The following PCYT1A variants were observed in gnomAD, a reference collection of about 807,000 sequenced individuals.
PCYT1A encodes the protein choline-phosphate cytidylyltransferase A.
In PCYT1A, 25 loss-of-function variants were observed where a neutral mutation model predicts 43.7. That is an observed-to-expected ratio of 0.57 (90% confidence interval 0.42 to 0.80). The LOEUF is 0.80. PCYT1A is among the 30% of genes least tolerant of loss of function. PCYT1A has a pLI of 0.00. For missense variants in PCYT1A, 421 were observed against 474.2 expected, an observed-to-expected ratio of 0.89 and a Z score of 1.04; for synonymous variants, 172 against 170.7, an observed-to-expected ratio of 1.01 and a Z score of -0.06.
intron 3 of PCYT1A, among the ~76,000 whole-genome samples, chr3:196,249,536 C>T (rs1334357070): frequency 1.4e-4 from 21 of 152,208 alleles, no homozygotes; most frequent in Admixed American, 9.8e-4. Flanking sequence ...GAACTGTCAA[C>T]TTAGAAGCCA....
At chr3:196,257,949 A>T (rs1724997259) in intron 2 of PCYT1A, 62 bp from the exon 3 acceptor site, 3 of 751,900 alleles carry the variant, frequency 4.0e-6, no homozygotes, top group South Asian at 1.8e-5. Context: ...TGTAATACTA[A>T]AAAAAAAAAA....
intron 1 of PCYT1A, among the ~76,000 whole-genome samples, chr3:196,271,067 C>A (rs1725417157): frequency 6.6e-6 from 1 of 152,162 alleles, no homozygotes; most frequent in South Asian, 2.1e-4. Context: ...CTCTGTTGCC[C>A]AGGCTGGGGT....
chr3:196,247,747 A>G lies in PCYT1A; in HGVS notation c.335-229T>C, dbSNP rs893207865. The G allele has an allele frequency of 2.0e-4, 135 of 668,862 alleles. No individual in the cohort carries two copies. In the Admixed American group the frequency reaches 2.7e-3, roughly 14 times the overall value. The allele number at this position is 668,862 out of a possible 1,614,324, so 41.4% of individuals were successfully genotyped here. On this transcript the variant is annotated intron_variant, in intron 4 of 8. Coordinates refer to ENST00000431016, the MANE Select transcript of PCYT1A (RefSeq NM_001312673.2). The surrounding 1 kb of genome is among the most constrained non-coding windows in gnomAD (Gnocchi z 4.8). ...AGTATGTTCATACTTTGGAGAAGGGACAGTACAACAGGTGACCAAGATCTT... is the reference window on the plus strand; with the variant it reads ...AGTATGTTCATACTTTGGAGAAGGGGCAGTACAACAGGTGACCAAGATCTT...
Position 196,282,161 on chromosome 3 carries a change from A to G in PCYT1A, c.-11+5454T>C, listed in dbSNP as rs1217499900. Among the ~76,000 whole-genome samples, 8 of 152,320 alleles carry G rather than the reference A, an allele frequency of 5.3e-5. No individual in the cohort carries two copies. Among genetic ancestry groups the G allele is most frequent in the Admixed American group, 6.5e-5 (1 of 15,288 alleles). Reference sequence around the variant, plus strand: ...ATTTCGTCAGAGAAACCCTTATTCAACAAACACTGAGCGGCACTTACTCTG... The same window carrying G: ...ATTTCGTCAGAGAAACCCTTATTCAGCAAACACTGAGCGGCACTTACTCTG... On this transcript the variant is annotated intron_variant, in intron 1 of 8. Transcript: ENST00000431016. This position sits in a 1 kb window ranked among gnomAD's most constrained non-coding sequence, Gnocchi z 4.3.
At chr3:196,276,987 T>C (rs965672776) in intron 1 of PCYT1A, among the ~76,000 whole-genome samples, 1 of 151,394 alleles carries the variant, frequency 6.6e-6, no homozygotes, top group African/African-American at 2.4e-5. Context: ...CCTGGCACTT[T>C]GAGAGGCCAA....
Position 196,238,764 on chromosome 3 carries a change from G to T in PCYT1A, c.1028C>A (p.Ser343Tyr). ...SFRWPFSGKT[S>Y]PPCSPANLSR... ...GAGATTTGCTGGGGAGCAAGGTGGG[G>T]AAGTCTTGCCGGAGAAGGGCCATCG... Residue 343 changes from serine to tyrosine, a missense_variant, in exon 9 of 9, where the codon TCC becomes TAC. Transcript: ENST00000431016. The T allele has an allele frequency of 6.3e-7, 1 of 1,591,636 alleles. No individual in the cohort carries two copies. The highest frequency in any genetic ancestry group is 1.1e-5 in the South Asian group (1 of 87,816).
chr3:196,253,373 T>C (rs1724861326), intron 3 of PCYT1A, among the ~76,000 whole-genome samples: 1 of 146,704 alleles, frequency 6.8e-6, no homozygotes, highest in Non-Finnish European at 1.5e-5. Context: ...AGAAGTCACG[T>C]CCATGAAGTA....
chr3:196,279,746 AGGT>A (rs1372920635), intron 1 of PCYT1A, among the ~76,000 whole-genome samples: 1 of 150,068 alleles, frequency 6.7e-6, no homozygotes, highest in East Asian at 2.0e-4. Context: ...GACAGAATCT[AGGT>A]GCTGGCATGT....
chr3:196,257,335 T>C (rs1724980694), intron 3 of PCYT1A, among the ~76,000 whole-genome samples: 1 of 152,172 alleles, frequency 6.6e-6, no homozygotes, highest in South Asian at 2.1e-4. Flanking sequence ...AAAAATAAAA[T>C]TAAGTGACGA....
rs1725487401 is a variant in PCYT1A at position 196,273,132 on chromosome 3, CT to C, written c.-10-2592del. Reference sequence around the variant, plus strand: ...AGAGGCTGCAGCTGAACCAGGCGTACTACAAGCAGCTTCCACTGCAGGCACT... The same window carrying C: ...AGAGGCTGCAGCTGAACCAGGCGTACACAAGCAGCTTCCACTGCAGGCACT... On this transcript the variant is annotated intron_variant, in intron 1 of 8. Coordinates refer to ENST00000431016, the MANE Select transcript of PCYT1A (RefSeq NM_001312673.2). The surrounding 1 kb of genome is among the most constrained non-coding windows in gnomAD (Gnocchi z 4.1). Among the ~76,000 whole-genome samples, 1 of 152,206 alleles carries C rather than the reference CT, an allele frequency of 6.6e-6. No homozygotes were observed. Among genetic ancestry groups the C allele is most frequent in the African/African-American group, 2.4e-5 (1 of 41,464 alleles).
chr3:196,258,594 T>A (rs1426792665), intron 2 of PCYT1A, among the ~76,000 whole-genome samples: 2 of 43,216 alleles, frequency 4.6e-5, no homozygotes, highest in South Asian at 8.2e-4. Context: ...CAATCTGGAT[T>A]TTTTTTTTTT....
At chr3:196,275,224 T>C (rs952898575) in intron 1 of PCYT1A, among the ~76,000 whole-genome samples, 5 of 152,258 alleles carry the variant, frequency 3.3e-5, no homozygotes, top group African/African-American at 1.2e-4. Flanking sequence ...TACAAAGTAC[T>C]GTATCATAAT....
At chr3:196,258,008 G>C in intron 2 of PCYT1A, 121 bp from the exon 3 acceptor site, 1 of 598,044 alleles carries the variant, frequency 1.7e-6, no homozygotes, top group East Asian at 2.8e-5. Flanking sequence ...CTTCGTTTAA[G>C]AGATTTCGTT....
chr3:196,244,671 G>A (rs1392998474), intron 5 of PCYT1A, among the ~76,000 whole-genome samples: 1 of 152,246 alleles, frequency 6.6e-6, no homozygotes, highest in Non-Finnish European at 1.5e-5. Context: ...GTGGGGAAAA[G>A]ATAGAAAAAT....
At chr3:196,248,017 T>A (rs1021786735) in intron 4 of PCYT1A, 190 bp downstream of exon 4, 1 of 594,504 alleles carries the variant, frequency 1.7e-6, no homozygotes, top group African/African-American at 1.8e-5. Flanking sequence ...GATGGCACAG[T>A]CGAGGAGCTT....
intron 3 of PCYT1A, among the ~76,000 whole-genome samples, chr3:196,251,166 T>C (rs1341090361): frequency 3.0e-5 from 4 of 132,952 alleles, no homozygotes; most frequent in South Asian, 2.5e-4. Flanking sequence ...AGGCTGAGGA[T>C]CACATACACC....
At chr3:196,274,991 CAG>C (rs1337498156) in intron 1 of PCYT1A, among the ~76,000 whole-genome samples, 1 of 152,148 alleles carries the variant, frequency 6.6e-6, no homozygotes, top group Admixed American at 6.6e-5. Flanking sequence ...TCATAATATT[CAG>C]AGGTCAATAC....
At chr3:196,270,668 G>T in intron 1 of PCYT1A, 127 bp from the exon 2 acceptor site, 1 of 747,122 alleles carries the variant, frequency 1.3e-6, no homozygotes, top group Non-Finnish European at 2.4e-6. Context: ...ACTTCACCAA[G>T]ATGAGCCAAT....
At chr3:196,246,082 GAATA>G (rs1395900725) in intron 5 of PCYT1A, among the ~76,000 whole-genome samples, 1 of 152,190 alleles carries the variant, frequency 6.6e-6, no homozygotes, top group Non-Finnish European at 1.5e-5. Context: ...GTGGTGCTGA[GAATA>G]AACTTGCTTA....
Sources: allele counts gnomAD v4.1 joint callset (sites outside exome capture counted in the v4.1 genomes callset), GRCh38; gene constraint gnomAD v4.1.1; non-coding constraint Gnocchi (gnomAD v3.1); transcripts MANE v1.5; gene names NCBI Gene and HGNC (gene_info 2026-07-23, HGNC 2026-07-21).